VRK1: variants seen among roughly 807,000 people sequenced by gnomAD.
VRK1 encodes the protein serine/threonine-protein kinase VRK1.
Under a neutral mutation model 57.1 loss-of-function variants are expected in VRK1, and 33 were observed. That is an observed-to-expected ratio of 0.58 (90% CI 0.44 to 0.77). The LOEUF (loss-of-function observed/expected upper bound fraction) is 0.77. Among genes scored for constraint, VRK1 ranks in the 30% least tolerant of loss-of-function variants. The pLI is 0.00. For synonymous variants in VRK1, 137 were observed against 147.8 expected (o/e 0.93, Z 0.53); for missense variants, 413 against 477.3 (o/e 0.87, Z 1.25).
intron 2 of VRK1, among the ~76,000 whole-genome samples, chr14:96,836,719 GGT>G (rs1887230835): frequency 6.6e-6 from 1 of 151,732 alleles, no homozygotes; most frequent in East Asian, 1.9e-4. Context: ...GTAAAGACGG[GGT>G]TTCACCTTGT....
chr14:96,855,885 G>A (rs1321942610), intron 8 of VRK1, among the ~76,000 whole-genome samples: 4 of 152,018 alleles, frequency 2.6e-5, no homozygotes, highest in East Asian at 3.9e-4. Flanking sequence ...AACAGTCTCC[G>A]CTTGAAACCC....
intron 3 of VRK1, among the ~76,000 whole-genome samples, chr14:96,838,641 A>T (rs1209584373): frequency 1.3e-5 from 2 of 152,130 alleles, no homozygotes; most frequent in Non-Finnish European, 2.9e-5. Context: ...TATGAAGGGG[A>T]TGCCCCCATG....
At chr14:96,847,670 C>T (rs894777074) in intron 5 of VRK1, among the ~76,000 whole-genome samples, 6 of 151,030 alleles carry the variant, frequency 4.0e-5, no homozygotes, top group African/African-American at 1.5e-4. Context: ...TAGAAATAAA[C>T]AAACAAAAAC....
chr14:96,853,907 G>T (rs1888048151), intron 7 of VRK1, among the ~76,000 whole-genome samples: 1 of 151,994 alleles, frequency 6.6e-6, no homozygotes, highest in Non-Finnish European at 1.5e-5. Flanking sequence ...TGGGTACTTT[G>T]ATTATTGTAA....
At chr14:96,833,329 GAATT>G (rs1194739503) in intron 1 of VRK1, 134 bp from the exon 2 acceptor site, 2 of 905,360 alleles carry the variant, frequency 2.2e-6, no homozygotes, top group Admixed American at 2.5e-5. Flanking sequence ...TTATAAGTCA[GAATT>G]AACAGGTATC....
At chr14:96,863,801 C>T (rs774747583) in intron 11 of VRK1, among the ~76,000 whole-genome samples, 33 of 152,154 alleles carry the variant, frequency 2.2e-4, no homozygotes, top group Middle Eastern at 6.8e-3. Flanking sequence ...GTTAAATAAA[C>T]CCTTGCTGGC....
intron 12 of VRK1, among the ~76,000 whole-genome samples, chr14:96,876,356 G>A (rs1566721864): frequency 6.6e-6 from 1 of 152,138 alleles, no homozygotes; most frequent in South Asian, 2.1e-4. Flanking sequence ...TTTGGAACCC[G>A]AGACACTGAA....
At chr14:96,856,501 A>C (rs749573914) in intron 9 of VRK1, 27 bp from the exon 10 acceptor site, 1 of 1,585,198 alleles carries the variant, frequency 6.3e-7, no homozygotes, top group South Asian at 1.1e-5. Flanking sequence ...ATCAAGCTTC[A>C]GTGACTCATT....
intron 1 of VRK1, among the ~76,000 whole-genome samples, chr14:96,821,647 C>T (rs147120214): frequency 6.6e-5 from 10 of 152,252 alleles, no homozygotes; most frequent in Non-Finnish European, 1.5e-4. Context: ...ATTCTTGATG[C>T]GTCAACCAGA....
chr14:96,809,570 CT>C (rs566987608), intron 1 of VRK1, among the ~76,000 whole-genome samples: 50 of 128,530 alleles, frequency 3.9e-4, no homozygotes, highest in East Asian at 2.8e-3. Context: ...TGCTTGCTTT[CT>C]TTTTTTTTTT....
At chr14:96,815,712 C>T (rs1297028154) in intron 1 of VRK1, among the ~76,000 whole-genome samples, 2 of 151,148 alleles carry the variant, frequency 1.3e-5, no homozygotes, top group Non-Finnish European at 1.5e-5. Flanking sequence ...AGCCAGACCT[C>T]ACTCTACTAA....
intron 12 of VRK1, among the ~76,000 whole-genome samples, chr14:96,880,296 A>G (rs10131963): frequency 0.084 from 12,818 of 152,326 alleles, 706 homozygotes; most frequent in African/African-American, 0.14. Context: ...CTTTTCAGAA[A>G]AGAAGTATTG....
chr14:96,805,169 T>C (rs1265519015), intron 1 of VRK1, among the ~76,000 whole-genome samples: 1 of 152,220 alleles, frequency 6.6e-6, no homozygotes, highest in Non-Finnish European at 1.5e-5. Context: ...CTGATACTTG[T>C]ATGTGAAGAA....
chr14:96,810,558 A>G (rs1308115910), intron 1 of VRK1, among the ~76,000 whole-genome samples: 4 of 152,178 alleles, frequency 2.6e-5, no homozygotes, highest in African/African-American at 9.7e-5. Context: ...AACAGGTGGC[A>G]TTGGGTCTGT....
At chr14:96,806,368 A>T (rs1186825665) in intron 1 of VRK1, among the ~76,000 whole-genome samples, 1 of 152,228 alleles carries the variant, frequency 6.6e-6, no homozygotes, top group Non-Finnish European at 1.5e-5. Flanking sequence ...GGACTACTTC[A>T]AATAATCCTT....
At chr14:96,870,095 A>T (rs984277578) in intron 11 of VRK1, among the ~76,000 whole-genome samples, 1 of 152,104 alleles carries the variant, frequency 6.6e-6, no homozygotes, top group Non-Finnish European at 1.5e-5. Context: ...TAGGATATTG[A>T]CCCTTTAAAC....
At chr14:96,854,734 ATTATT>A (rs761602883) in intron 7 of VRK1, among the ~76,000 whole-genome samples, 10 of 152,302 alleles carry the variant, frequency 6.6e-5, no homozygotes, top group Admixed American at 2.0e-4. Flanking sequence ...TTGAAATTTG[ATTATT>A]TTACAAGTGA....
At chr14:96,830,757 T>C (rs1886972261) in intron 1 of VRK1, among the ~76,000 whole-genome samples, 1 of 152,218 alleles carries the variant, frequency 6.6e-6, no homozygotes. Flanking sequence ...TTTTAGATAG[T>C]CTGGTTCAGG....
intron 1 of VRK1, among the ~76,000 whole-genome samples, chr14:96,817,376 T>A (rs933555341): frequency 1.4e-4 from 21 of 152,184 alleles, no homozygotes; most frequent in Non-Finnish European, 2.6e-4. Context: ...GGCTTTTTTT[T>A]AATCTGTGGA....
Sources: allele counts gnomAD v4.1 joint callset (sites outside exome capture counted in the v4.1 genomes callset), GRCh38; gene constraint gnomAD v4.1.1; transcripts MANE v1.5; gene names NCBI Gene and HGNC (gene_info 2026-07-23, HGNC 2026-07-21).